Variants in FAM171A1 observed in about 807,000 individuals in gnomAD.
FAM171A1 encodes the protein family with sequence similarity 171 member A1, also known as protein FAM171A1.
FAM171A1 carries 23 observed loss-of-function variants against 74.9 expected under a neutral mutation model. The observed-to-expected ratio is 0.31, with a 90% CI of 0.22 to 0.44. FAM171A1 has a LOEUF of 0.44. Among genes scored for constraint, FAM171A1 ranks in the 20% least tolerant of loss-of-function variants. FAM171A1 has a pLI of 1.00. For missense variants in FAM171A1, 1,162 were observed against 1,159.2 expected (o/e 1.00, Z -0.03); for synonymous variants, 527 against 505.7 (o/e 1.04, Z -0.57).
chr10:15,367,252 T>C (rs1270870200), intron 1 of FAM171A1, among the ~76,000 whole-genome samples: 8 of 152,180 alleles, frequency 5.3e-5, no homozygotes, highest in Admixed American at 4.6e-4. Flanking sequence ...AAAGTATTAA[T>C]ACTTGAAAGC....
At chr10:15,360,093 G>C (rs1835976346) in intron 1 of FAM171A1, among the ~76,000 whole-genome samples, 1 of 152,126 alleles carries the variant, frequency 6.6e-6, no homozygotes, top group South Asian at 2.1e-4. Flanking sequence ...CACCATGCCT[G>C]GCTAATTTTT....
chr10:15,274,450 G>T (rs1413328859), intron 3 of FAM171A1, among the ~76,000 whole-genome samples: 1 of 152,166 alleles, frequency 6.6e-6, no homozygotes, highest in Non-Finnish European at 1.5e-5. Context: ...CGTGAAAATG[G>T]CCATACTGCC....
intron 1 of FAM171A1, among the ~76,000 whole-genome samples, chr10:15,367,439 GC>G (rs1202455918): frequency 6.6e-6 from 1 of 152,116 alleles, no homozygotes; most frequent in African/African-American, 2.4e-5. Context: ...CCTGCATAAA[GC>G]CCTCACACCT....
intron 1 of FAM171A1, among the ~76,000 whole-genome samples, chr10:15,330,703 T>C (rs1199866962): frequency 8.2e-6 from 1 of 121,354 alleles, no homozygotes. Flanking sequence ...CATATTTTTT[T>C]CTTCTTCTTC....
chr10:15,265,177 C>T (rs545243561), intron 3 of FAM171A1, among the ~76,000 whole-genome samples: 12 of 152,180 alleles, frequency 7.9e-5, no homozygotes, highest in African/African-American at 1.2e-4. Context: ...TCTTACTCCT[C>T]GGGCCGATTT....
At chr10:15,350,506 T>A (rs886111569) in intron 1 of FAM171A1, among the ~76,000 whole-genome samples, 1 of 151,372 alleles carries the variant, frequency 6.6e-6, no homozygotes, top group Non-Finnish European at 1.5e-5. Flanking sequence ...CACGCCCAGC[T>A]AATTTTTTGT....
chr10:15,214,896 C>T (rs981056356), intron 7 of FAM171A1, among the ~76,000 whole-genome samples: 2 of 151,856 alleles, frequency 1.3e-5, no homozygotes, highest in African/African-American at 4.8e-5. Context: ...GAGCAGCTGG[C>T]ACCGCAGGCA....
At chr10:15,369,672 CAG>C (rs1836110436) in intron 1 of FAM171A1, among the ~76,000 whole-genome samples, 1 of 152,224 alleles carries the variant, frequency 6.6e-6, no homozygotes, top group African/African-American at 2.4e-5. Flanking sequence ...CTCAACCCAA[CAG>C]AGTGTTGGCA....
At chr10:15,351,706 T>A (rs1253148492) in intron 1 of FAM171A1, among the ~76,000 whole-genome samples, 1 of 151,934 alleles carries the variant, frequency 6.6e-6, no homozygotes, top group African/African-American at 2.4e-5. Flanking sequence ...GATGGATGGA[T>A]GGATGGAGAG....
chr10:15,308,828 A>C (rs1334864571), intron 1 of FAM171A1, among the ~76,000 whole-genome samples: 1 of 151,894 alleles, frequency 6.6e-6, no homozygotes, highest in Admixed American at 6.6e-5. Context: ...ATCACACCCA[A>C]CTAATTTTTG....
At chr10:15,279,331 A>G (rs1300825883) in intron 2 of FAM171A1, among the ~76,000 whole-genome samples, 1 of 152,132 alleles carries the variant, frequency 6.6e-6, no homozygotes, top group African/African-American at 2.4e-5. Context: ...AAAACACATG[A>G]TTTCTTGTAA....
chr10:15,361,557 C>A (rs1466424916), intron 1 of FAM171A1, among the ~76,000 whole-genome samples: 2 of 152,054 alleles, frequency 1.3e-5, no homozygotes, highest in African/African-American at 4.8e-5. Flanking sequence ...GTGGTGTGCA[C>A]CTGTAGTCCC....
chr10:15,310,809 G>A (rs538619181), intron 1 of FAM171A1, among the ~76,000 whole-genome samples: 2 of 151,602 alleles, frequency 1.3e-5, no homozygotes, highest in African/African-American at 4.8e-5. Flanking sequence ...CGCAGTGCAT[G>A]ACAGAGCGAG....
At chr10:15,261,018 T>C (rs1343707816) in intron 3 of FAM171A1, among the ~76,000 whole-genome samples, 1 of 152,186 alleles carries the variant, frequency 6.6e-6, no homozygotes, top group Non-Finnish European at 1.5e-5. Context: ...AGTGTTTGTA[T>C]TCACGGAACT....
chr10:15,216,908 C>G (rs1276462342), intron 6 of FAM171A1, among the ~76,000 whole-genome samples: 2 of 151,574 alleles, frequency 1.3e-5, no homozygotes, highest in African/African-American at 4.9e-5. Context: ...CTGGAGAGCC[C>G]CTAGCCCAAA....
Position 15,371,024 on chromosome 10 carries a change from C to G in FAM171A1, c.29G>C (p.Cys10Ser). The G allele has an allele frequency of 8.4e-7, 1 of 1,183,702 alleles. No individual in the cohort carries two copies. Among genetic ancestry groups the G allele is most frequent in the Non-Finnish European group, 1.1e-6 (1 of 933,458 alleles). The allele number at this position is 1,183,702 out of a possible 1,614,324, so 73.3% of individuals were successfully genotyped here. Residue 10 changes from cysteine (C) to serine (S), a missense_variant, in exon 1 of 8, where the codon TGC becomes TCC. Physicochemically the swap from Cys to Ser is moderately radical, Grantham distance 112. Coordinates refer to ENST00000378116, the MANE Select transcript of FAM171A1 (RefSeq NM_001010924.2). ...CTTCCAGACGTGGCAGCCCAGCAGG[C>G]ACAGCAGCAGCGTCGCGGACCTGCT... MSRSATLLL[C>S]LLGCHVWKAV...
At chr10:15,223,960 T>A (rs7893353) in intron 5 of FAM171A1, among the ~76,000 whole-genome samples, 3 of 151,742 alleles carry the variant, frequency 2.0e-5, no homozygotes, top group Admixed American at 1.3e-4. Flanking sequence ...GGGACAAGCC[T>A]AGTGGGTGAC....
chr10:15,302,469 A>AAAAAC (rs944972875), intron 1 of FAM171A1, among the ~76,000 whole-genome samples: 16 of 151,918 alleles, frequency 1.1e-4, no homozygotes, highest in African/African-American at 2.9e-4. Context: ...CCATCTCAAA[A>AAAAAC]AAAACAAAAC....
chr10:15,334,569 G>A (rs143546188), intron 1 of FAM171A1, among the ~76,000 whole-genome samples: 20 of 152,284 alleles, frequency 1.3e-4, no homozygotes, highest in African/African-American at 4.1e-4. Flanking sequence ...CTCAACATGG[G>A]TTTCCCAAAC....
Sources: gnomAD v4.1 joint callset for allele counts (sites outside exome capture counted in the v4.1 genomes callset) on GRCh38, gnomAD v4.1.1 for gene constraint, MANE v1.5 for transcripts, NCBI Gene and HGNC (gene_info 2026-07-23, HGNC 2026-07-21) for gene names.